The following ANKH variants were observed in gnomAD, a reference collection of about 807,000 sequenced individuals.
ANKH encodes ANKH inorganic pyrophosphate transport regulator, also known as mineralization regulator ANKH.
A neutral mutation model predicts 49.0 loss-of-function variants in ANKH; 15 were observed. That is an observed-to-expected ratio of 0.31 (90% CI 0.20 to 0.47). The LOEUF (loss-of-function observed/expected upper bound fraction) is 0.47, where lower values mean the gene tolerates loss of function less well. Among genes scored for constraint, ANKH ranks in the 20% least tolerant of loss-of-function variants. The pLI is 1.00. For missense variants in ANKH, 429 were observed against 652.0 expected, an observed-to-expected ratio of 0.66 and a Z score of 3.72; for synonymous variants, 273 against 260.0, an observed-to-expected ratio of 1.05 and a Z score of -0.48.
chr5:14,745,265 TAG>T lies in ANKH; in HGVS notation c.915+603_915+604del, dbSNP rs1738495353. 2.0e-5 allele frequency among the ~76,000 whole-genome samples: 3 copies of T among 152,322 alleles called. No homozygotes were observed. The South Asian group carries it at 6.2e-4, about 32-fold the overall frequency. On this transcript the variant is annotated intron_variant, in intron 7 of 11. Transcript: ENST00000284268. This position sits in a 1 kb window ranked among gnomAD's most constrained non-coding sequence, Gnocchi z 4.7. ...AGGTTTAAATGATAACGCTATAAAATAGACTTTAATTGAATGACAGCAGGACA... is the reference window on the plus strand; with the variant it reads ...AGGTTTAAATGATAACGCTATAAAATACTTTAATTGAATGACAGCAGGACA...
chr5:14,868,730 C>G (rs185651194), intron 1 of ANKH: 3 of 148,060 alleles, frequency 2.0e-5, no homozygotes, highest in South Asian at 4.3e-4. Flanking sequence ...TTAATAGAGA[C>G]GAGGTTTCAC....
At chr5:14,727,004 A>G (rs528947541) in intron 8 of ANKH, among the ~76,000 whole-genome samples, 2 of 152,322 alleles carry the variant, frequency 1.3e-5, no homozygotes, top group South Asian at 4.1e-4. Flanking sequence ...GAAAGTAGGG[A>G]ACCTCACAGG....
intron 1 of ANKH, among the ~76,000 whole-genome samples, chr5:14,835,685 G>A (rs1741631697): frequency 6.6e-6 from 1 of 152,098 alleles, no homozygotes; most frequent in Admixed American, 6.5e-5. Flanking sequence ...CAGCCCAGAA[G>A]TACAAAGAGG....
chr5:14,741,990 T>C (rs1033615823), intron 7 of ANKH, 68 bp from the exon 8 acceptor site: 2 of 1,191,116 alleles, frequency 1.7e-6, no homozygotes, highest in Admixed American at 1.7e-5. Context: ...CGGGGGATCT[T>C]GAAGAGCATC....
At chr5:14,717,489 T>C (rs1737514316) in intron 8 of ANKH, among the ~76,000 whole-genome samples, 1 of 152,076 alleles carries the variant, frequency 6.6e-6, no homozygotes, top group Non-Finnish European at 1.5e-5. Flanking sequence ...CCACCTCCCT[T>C]CCCCACAGAT....
chr5:14,790,290 C>T (rs955621778), intron 1 of ANKH, among the ~76,000 whole-genome samples: 1 of 152,228 alleles, frequency 6.6e-6, no homozygotes, highest in African/African-American at 2.4e-5. Flanking sequence ...TTAAACCCCT[C>T]AAACACACTT....
At chr5:14,771,813 C>T (rs377201660) in intron 1 of ANKH, among the ~76,000 whole-genome samples, 1 of 149,452 alleles carries the variant, frequency 6.7e-6, no homozygotes, top group Non-Finnish European at 1.5e-5. Context: ...CCCAGCTACT[C>T]GGGAGGCTGA....
intron 5 of ANKH, among the ~76,000 whole-genome samples, 189 bp from the exon 6 acceptor site, chr5:14,749,495 A>G (rs1738644885): frequency 6.6e-6 from 1 of 152,266 alleles, no homozygotes; most frequent in Non-Finnish European, 1.5e-5. Context: ...CCTAATAGAA[A>G]TTAACCGAGA....
In ANKH at chr5:14,707,944, G is replaced by A. The variant is rs1220874208; in HGVS notation, c.*3253C>T. 6.6e-6 allele frequency: 1 copy of A among 152,148 alleles called. No homozygotes were observed. Among genetic ancestry groups the A allele is most frequent in the African/African-American group, 2.4e-5 (1 of 41,428 alleles). 9.4% of individuals were successfully genotyped at this position (152,148 alleles called of 1,614,324 possible). A position where few individuals can be genotyped will look rare whatever the true frequency, so the allele number is the denominator to read the frequency against. ...TTTTTACCCAGAAATGCAAACAAGT[G>A]GCCTTCTGTGCCCCATTTAAAGAAT... is the stretch of plus-strand genomic sequence containing the variant. On this transcript the variant is annotated 3_prime_UTR_variant, in exon 12 of 12. Transcript: ENST00000284268.
At chr5:14,818,711 C>G (rs1478030673) in intron 1 of ANKH, among the ~76,000 whole-genome samples, 1 of 149,246 alleles carries the variant, frequency 6.7e-6, no homozygotes, top group African/African-American at 2.5e-5. Flanking sequence ...TGTGTGCACA[C>G]TGGGCTTCCA....
intron 1 of ANKH, among the ~76,000 whole-genome samples, chr5:14,865,660 G>T (rs1226519023): frequency 6.6e-6 from 1 of 152,162 alleles, no homozygotes; most frequent in Non-Finnish European, 1.5e-5. Flanking sequence ...TCTCTTCCCT[G>T]TTGAAGCCAG....
intron 1 of ANKH, among the ~76,000 whole-genome samples, chr5:14,842,836 T>C (rs1204237502): frequency 6.6e-6 from 1 of 152,192 alleles, no homozygotes; most frequent in Non-Finnish European, 1.5e-5. Flanking sequence ...GTGGTGATTT[T>C]CTTCCCTTTC....
At chr5:14,837,642 G>A (rs1388372696) in intron 1 of ANKH, among the ~76,000 whole-genome samples, 1 of 152,220 alleles carries the variant, frequency 6.6e-6, no homozygotes, top group African/African-American at 2.4e-5. Context: ...TGGAGAAGAT[G>A]TGGAGAAACA....
At chr5:14,780,321 T>C (rs1207878506) in intron 1 of ANKH, among the ~76,000 whole-genome samples, 5 of 152,144 alleles carry the variant, frequency 3.3e-5, no homozygotes, top group Non-Finnish European at 4.4e-5. Context: ...GCTGGGTGGA[T>C]TACCTGAGGT....
At chr5:14,823,306 A>T (rs1474325064) in intron 1 of ANKH, among the ~76,000 whole-genome samples, 1 of 152,216 alleles carries the variant, frequency 6.6e-6, no homozygotes, top group Non-Finnish European at 1.5e-5. Context: ...AACTGCTTTG[A>T]ACTGTGATTC....
intron 1 of ANKH, among the ~76,000 whole-genome samples, chr5:14,843,151 C>T (rs1741859529): frequency 1.3e-5 from 2 of 151,650 alleles, no homozygotes; most frequent in African/African-American, 4.9e-5. Flanking sequence ...ACAAACGAGA[C>T]CTTTGCAGAG....
chr5:14,747,934 C>T (rs1176768835), intron 6 of ANKH, among the ~76,000 whole-genome samples: 2 of 152,154 alleles, frequency 1.3e-5, no homozygotes, highest in Non-Finnish European at 2.9e-5. Flanking sequence ...ACAATAATAT[C>T]CATCCCATAG....
intron 2 of ANKH, among the ~76,000 whole-genome samples, chr5:14,767,468 A>T (rs1329539394): frequency 6.6e-6 from 1 of 152,220 alleles, no homozygotes; most frequent in African/African-American, 2.4e-5. Context: ...TATATATGAG[A>T]TACAGAAAAC....
In ANKH at chr5:14,725,265, C is replaced by T. The variant is rs988951016; in HGVS notation, c.1012-8430G>A. On this transcript the variant is annotated intron_variant, in intron 8 of 11. Coordinates refer to ENST00000284268, the MANE Select transcript of ANKH (RefSeq NM_054027.6). The surrounding 1 kb of genome is among the most constrained non-coding windows in gnomAD (Gnocchi z 4.0). The stretch of plus-strand genomic sequence containing the variant: ...CTCTTCTTTCAAACGGGGATGGTGT[C>T]TCCCTCACAGGGATGCTGTGTGGAC... Among the ~76,000 whole-genome samples the T allele has an allele frequency of 6.6e-6, 1 of 152,222 alleles. No individual in the cohort carries two copies. Among genetic ancestry groups the T allele is most frequent in the Non-Finnish European group, 1.5e-5 (1 of 68,040 alleles).
Sources: allele counts gnomAD v4.1 joint callset (sites outside exome capture counted in the v4.1 genomes callset), GRCh38; gene constraint gnomAD v4.1.1; non-coding constraint Gnocchi (gnomAD v3.1); transcripts MANE v1.5; gene names NCBI Gene and HGNC (gene_info 2026-07-23, HGNC 2026-07-21).